The following SPIRE1 variants were observed in gnomAD, a reference collection of about 807,000 sequenced individuals.
SPIRE1 encodes the protein spire type actin nucleation factor 1, also known as protein spire homolog 1.
SPIRE1 carries 40 observed loss-of-function variants against 94.1 expected under a neutral mutation model. That is an observed-to-expected ratio of 0.43 (90% CI 0.33 to 0.55). The LOEUF (loss-of-function observed/expected upper bound fraction) is 0.55, where lower values mean the gene tolerates loss of function less well. Among genes scored for constraint, SPIRE1 ranks in the 20% least tolerant of loss-of-function variants. The pLI is 0.06. For missense variants in SPIRE1, 838 were observed against 975.2 expected, an observed-to-expected ratio of 0.86 and a Z score of 1.87; for synonymous variants, 376 against 371.7, an observed-to-expected ratio of 1.01 and a Z score of -0.13.
chr18:12,547,081 C>A (rs1261496315), intron 2 of SPIRE1, among the ~76,000 whole-genome samples, 177 bp from the exon 3 acceptor site: 1 of 151,862 alleles, frequency 6.6e-6, no homozygotes. Context: ...ATTTGCCATT[C>A]ATATATAAAA....
At chr18:12,587,393 T>A (rs1220805967) in intron 2 of SPIRE1, among the ~76,000 whole-genome samples, 3 of 151,164 alleles carry the variant, frequency 2.0e-5, no homozygotes, top group African/African-American at 7.2e-5. Flanking sequence ...AGAGTGATTC[T>A]CATATAATTT....
intron 4 of SPIRE1, among the ~76,000 whole-genome samples, chr18:12,523,864 T>A (rs1274237875): frequency 6.6e-6 from 1 of 152,164 alleles, no homozygotes; most frequent in Non-Finnish European, 1.5e-5. Flanking sequence ...TTTTAAAAAC[T>A]ATTTTTTGCA....
At chr18:12,650,381 A>G (rs1194997146) in intron 1 of SPIRE1, among the ~76,000 whole-genome samples, 2 of 152,128 alleles carry the variant, frequency 1.3e-5, no homozygotes, top group Non-Finnish European at 1.5e-5. Flanking sequence ...CAACATGGCA[A>G]AATCTCTGTC....
chr18:12,499,640 C>T (rs534645120), intron 6 of SPIRE1, among the ~76,000 whole-genome samples: 3 of 152,176 alleles, frequency 2.0e-5, no homozygotes, highest in South Asian at 4.2e-4. Context: ...TTATAAGTGT[C>T]TCAGGTGAGA....
intron 2 of SPIRE1, among the ~76,000 whole-genome samples, chr18:12,623,867 A>C (rs2037545019): frequency 6.6e-6 from 1 of 151,454 alleles, no homozygotes. Context: ...ACCTCAGGTG[A>C]TCCGCCTGCC....
intron 6 of SPIRE1, among the ~76,000 whole-genome samples, chr18:12,497,657 A>G (rs1267246767): frequency 1.3e-5 from 2 of 152,172 alleles, no homozygotes; most frequent in Non-Finnish European, 2.9e-5. Flanking sequence ...TATGACTGCT[A>G]GTTTAAGGAG....
intron 1 of SPIRE1, among the ~76,000 whole-genome samples, chr18:12,646,120 A>G (rs1045475643): frequency 6.6e-6 from 1 of 152,138 alleles, no homozygotes; most frequent in Non-Finnish European, 1.5e-5. Flanking sequence ...CTTGCCATCC[A>G]TGTACTGCTG....
rs2033513900 is a variant in SPIRE1 at position 12,497,826 on chromosome 18, CT to C, written c.973-1725del. Among the ~76,000 whole-genome samples the C allele has an allele frequency of 4.6e-5, 7 of 152,320 alleles. No individual in the cohort carries two copies. In the South Asian group the frequency reaches 1.4e-3, roughly 32 times the overall value. On this transcript the variant is annotated intron_variant, in intron 6 of 16. Transcript: ENST00000409402. ...TACTGAATAACATGTATCTTTCTGG[CT>C]AATTTTCACATGCTTTCTTTGTATC...
At chr18:12,513,926 T>A (rs1035261617) in intron 4 of SPIRE1, among the ~76,000 whole-genome samples, 2 of 152,204 alleles carry the variant, frequency 1.3e-5, no homozygotes, top group Non-Finnish European at 2.9e-5. Context: ...CACTGCAGCC[T>A]CCACTTCCTG....
In SPIRE1 at chr18:12,464,911, A is replaced by G. The variant is rs986079208; in HGVS notation, c.1452T>C (p.Ser484=). Residue 484 remains serine (S), a synonymous_variant, in exon 11 of 17, where the codon TCT becomes TCC. Transcript: ENST00000409402. ...KSTSSSSVSP[S]FPEEPVLEAV... is the part of the protein sequence containing the mutation. ...CCTCCAGGACTGGCTCTTCAGGGAA[A>G]GAGGGAGACACGCTGCTGCTGCTGG... 6.2e-7 allele frequency: 1 copy of G among 1,614,086 alleles called. No individual in the cohort carries two copies. Among genetic ancestry groups the G allele is most frequent in the Non-Finnish European group, 8.5e-7 (1 of 1,179,998 alleles).
intron 5 of SPIRE1, among the ~76,000 whole-genome samples, chr18:12,511,991 A>C (rs999490492): frequency 6.6e-6 from 1 of 152,178 alleles, no homozygotes; most frequent in Non-Finnish European, 1.5e-5. Context: ...AAGCTCCAGC[A>C]ATCTTCCTGC....
chr18:12,487,861 G>A (rs954135698), intron 8 of SPIRE1, among the ~76,000 whole-genome samples: 4 of 152,162 alleles, frequency 2.6e-5, no homozygotes, highest in African/African-American at 9.7e-5. Context: ...GCAGAGATGT[G>A]ATGATTTTAG....
chr18:12,487,217 G>T (rs903065499), intron 8 of SPIRE1, among the ~76,000 whole-genome samples: 1 of 152,022 alleles, frequency 6.6e-6, no homozygotes, highest in Non-Finnish European at 1.5e-5. Context: ...ATTAGTAATT[G>T]TTGTGAATCT....
At chr18:12,484,999 CTATT>C (rs2032981479) in intron 9 of SPIRE1, among the ~76,000 whole-genome samples, 2 of 151,994 alleles carry the variant, frequency 1.3e-5, no homozygotes, top group African/African-American at 4.8e-5. Flanking sequence ...AGTTATTTCA[CTATT>C]AATCTCTGTT....
In SPIRE1 at chr18:12,556,184, G is replaced by A. The variant is rs186711131; in HGVS notation, c.373-9280C>T. On this transcript the variant is annotated intron_variant, in intron 2 of 16. Coordinates refer to ENST00000409402, the MANE Select transcript of SPIRE1 (RefSeq NM_001128626.2). Reference sequence around the variant, plus strand: ...ACACACAAAAAATGGAAAGATAGTCGATGTTCATGGATTGGAAGAATCAAC... The same window carrying A: ...ACACACAAAAAATGGAAAGATAGTCAATGTTCATGGATTGGAAGAATCAAC... Among the ~76,000 whole-genome samples the A allele has an allele frequency of 2.4e-3, 361 of 152,100 alleles. 3 individuals are homozygous for A. Among genetic ancestry groups the A allele is most frequent in the South Asian group, 0.015 (70 of 4,824 alleles).
chr18:12,516,136 T>C (rs190611579), intron 4 of SPIRE1: 71 of 152,334 alleles, frequency 4.7e-4, no homozygotes, highest in Non-Finnish European at 8.5e-4. Context: ...GAGCAAGTCT[T>C]CAGTGGACAG....
At chr18:12,463,702 G>GA (rs1236434804) in intron 11 of SPIRE1, among the ~76,000 whole-genome samples, 2 of 151,952 alleles carry the variant, frequency 1.3e-5, no homozygotes, top group Non-Finnish European at 2.9e-5. Context: ...GAAATAGCAA[G>GA]AAAAAAGGAA....
At chr18:12,565,253 C>A (rs1489623978) in intron 2 of SPIRE1, among the ~76,000 whole-genome samples, 1 of 152,108 alleles carries the variant, frequency 6.6e-6, no homozygotes, top group African/African-American at 2.4e-5. Flanking sequence ...AGAAACCATG[C>A]AAGCAAGAAG....
At chr18:12,558,289 C>T (rs549320725) in intron 2 of SPIRE1, among the ~76,000 whole-genome samples, 21 of 152,130 alleles carry the variant, frequency 1.4e-4, no homozygotes, top group African/African-American at 4.1e-4. Flanking sequence ...TTCTTAAAAG[C>T]GGCATGTCTG....
Sources: gnomAD v4.1 joint callset for allele counts (sites outside exome capture counted in the v4.1 genomes callset) on GRCh38, gnomAD v4.1.1 for gene constraint, MANE v1.5 for transcripts, NCBI Gene and HGNC (gene_info 2026-07-23, HGNC 2026-07-21) for gene names.